ATP6V1D: variants seen among roughly 807,000 people sequenced by gnomAD.
ATP6V1D encodes the protein V-type proton ATPase subunit D.
In ATP6V1D, 20 loss-of-function variants were observed where a neutral mutation model predicts 39.4. That is an observed-to-expected ratio of 0.51 (90% confidence interval 0.36 to 0.74). The LOEUF is 0.74. Ranked by LOEUF, ATP6V1D falls within the 30% of genes least tolerant of loss-of-function variation. The probability of loss-of-function intolerance (pLI) is 0.00; values close to 1 mark genes in which losing one functional copy is unlikely to be tolerated. For synonymous variants in ATP6V1D, 100 were observed against 100.5 expected, an observed-to-expected ratio of 0.99 and a Z score of 0.03; for missense variants, 228 against 291.6, an observed-to-expected ratio of 0.78 and a Z score of 1.59.
chr14:67,341,278 G>A (rs1483579705), intron 7 of ATP6V1D, among the ~76,000 whole-genome samples: 1 of 150,756 alleles, frequency 6.6e-6, no homozygotes, highest in Non-Finnish European at 1.5e-5. Context: ...GAGCGCCTCT[G>A]CCCCACCGCC....
At chr14:67,350,226 A>G (rs1427317934) in intron 3 of ATP6V1D, among the ~76,000 whole-genome samples, 1 of 152,220 alleles carries the variant, frequency 6.6e-6, no homozygotes, top group Non-Finnish European at 1.5e-5. Context: ...ACAAAAATAC[A>G]TATGTGTAAA....
chr14:67,346,607 G>C (rs1294256161), intron 5 of ATP6V1D, among the ~76,000 whole-genome samples: 4 of 152,288 alleles, frequency 2.6e-5, no homozygotes, highest in African/African-American at 9.6e-5. Context: ...GAGCCACTGT[G>C]CCTGGCCAAG....
chr14:67,347,950 C>T (rs551865682), intron 4 of ATP6V1D, among the ~76,000 whole-genome samples: 2 of 150,920 alleles, frequency 1.3e-5, no homozygotes, highest in South Asian at 2.1e-4. Flanking sequence ...CTCACTCTGT[C>T]GCCCAGGCTG....
intron 8 of ATP6V1D, 182 bp downstream of exon 8, chr14:67,340,258 T>C (rs571901279): frequency 2.0e-5 from 11 of 557,910 alleles, no homozygotes; most frequent in Admixed American, 3.0e-5. Context: ...TATAGGTACA[T>C]GTAAAATTTG....
At chr14:67,347,370 C>A in intron 5 of ATP6V1D, 39 bp downstream of exon 5, 1 of 1,520,436 alleles carries the variant, frequency 6.6e-7, no homozygotes, top group Non-Finnish European at 9.1e-7. Context: ...AACAGGAAAT[C>A]CCAGAGACAC....
chr14:67,358,004 G>A (rs2085697080), intron 1 of ATP6V1D, among the ~76,000 whole-genome samples: 1 of 152,138 alleles, frequency 6.6e-6, no homozygotes, highest in Non-Finnish European at 1.5e-5. Context: ...CTCTAAAAAG[G>A]GAACGAGAGG....
chr14:67,347,578 C>T lies in ATP6V1D; in HGVS notation c.308-125G>A, dbSNP rs186442780. ...ATGCAATGGCGTGATCTCGCCTCAC[C>T]GCAACCTCTGCCTCCCAGGTTCAAG... On this transcript the variant is annotated intron_variant, in intron 4 of 8. Coordinates refer to ENST00000216442, the MANE Select transcript of ATP6V1D (RefSeq NM_015994.4). 2.4e-4 allele frequency: 177 copies of T among 750,666 alleles called. 4 individuals are homozygous for T. Among genetic ancestry groups the T allele is most frequent in the African/African-American group, 1.7e-3 (96 of 55,248 alleles). The allele number at this position is 750,666 out of a possible 1,614,324, so 46.5% of individuals were successfully genotyped here. A position where few individuals can be genotyped will look rare whatever the true frequency, so the allele number is the denominator to read the frequency against.
At chr14:67,346,893 T>C (rs2085622775) in intron 5 of ATP6V1D, among the ~76,000 whole-genome samples, 1 of 152,212 alleles carries the variant, frequency 6.6e-6, no homozygotes, top group African/African-American at 2.4e-5. Context: ...AGGCCTTATA[T>C]TTTTTAAATA....
chr14:67,356,061 C>T (rs1413998610), intron 1 of ATP6V1D, among the ~76,000 whole-genome samples: 2 of 151,972 alleles, frequency 1.3e-5, no homozygotes. Flanking sequence ...CACAGTATAA[C>T]CTAGACACAG....
intron 2 of ATP6V1D, among the ~76,000 whole-genome samples, chr14:67,351,695 C>T (rs10135163): frequency 0.15 from 23,263 of 151,310 alleles, 3,380 homozygotes; most frequent in East Asian, 0.42. Context: ...TCTTCTTCTT[C>T]TTTTTTGTAG....
chr14:67,348,044 C>T (rs1388806726), intron 4 of ATP6V1D, among the ~76,000 whole-genome samples: 1 of 151,732 alleles, frequency 6.6e-6, no homozygotes, highest in Non-Finnish European at 1.5e-5. Flanking sequence ...TCCTGAGTAG[C>T]TGGGACAACA....
Position 67,338,710 on chromosome 14 carries a change from CCTT to C in ATP6V1D, c.652_654del (p.Lys218del). On this transcript the variant is annotated inframe_deletion, in exon 9 of 9. Coordinates refer to ENST00000216442, the MANE Select transcript of ATP6V1D (RefSeq NM_015994.4). ...CCAGCTGCTCTCCTTTGCTCCAAGT[CCTT>C]CTCAGATTTTTCCTTTAGAATCTTT... The C allele has an allele frequency of 6.2e-7, 1 of 1,613,764 alleles. No individual in the cohort carries two copies. Among genetic ancestry groups the C allele is most frequent in the Non-Finnish European group, 8.5e-7 (1 of 1,179,698 alleles).
intron 6 of ATP6V1D, 58 bp from the exon 7 acceptor site, chr14:67,343,496 C>A: frequency 8.8e-7 from 1 of 1,134,966 alleles, no homozygotes. Context: ...ATTCCCTGAT[C>A]ACTTGACTCC....
chr14:67,356,652 C>G (rs2085686757), intron 1 of ATP6V1D, among the ~76,000 whole-genome samples: 1 of 152,170 alleles, frequency 6.6e-6, no homozygotes, highest in Non-Finnish European at 1.5e-5. Flanking sequence ...TTGAACCAGA[C>G]TTTTGATTCC....
chr14:67,351,535 G>GTCT (rs2085653529), intron 2 of ATP6V1D, among the ~76,000 whole-genome samples: 1 of 152,088 alleles, frequency 6.6e-6, no homozygotes, highest in South Asian at 2.1e-4. Flanking sequence ...TTGAGACAAG[G>GTCT]TCTTACTTTG....
At chr14:67,356,873 G>T (rs569796073) in intron 1 of ATP6V1D, among the ~76,000 whole-genome samples, 2 of 152,316 alleles carry the variant, frequency 1.3e-5, no homozygotes, top group South Asian at 4.1e-4. Context: ...ATTGTTGATA[G>T]TAAATACTAG....
intron 3 of ATP6V1D, among the ~76,000 whole-genome samples, chr14:67,350,048 T>A (rs1327033726): frequency 6.6e-6 from 1 of 152,248 alleles, no homozygotes; most frequent in Non-Finnish European, 1.5e-5. Flanking sequence ...ACCTATCTCA[T>A]AGTGTTATTT....
chr14:67,355,915 G>C (rs1399729749), intron 1 of ATP6V1D, among the ~76,000 whole-genome samples: 1 of 152,068 alleles, frequency 6.6e-6, no homozygotes, highest in Non-Finnish European at 1.5e-5. Flanking sequence ...TGAGAGGACT[G>C]ATTGAGCCCA....
At chr14:67,340,821 G>A (rs1048620837) in intron 7 of ATP6V1D, among the ~76,000 whole-genome samples, 4 of 152,180 alleles carry the variant, frequency 2.6e-5, no homozygotes, top group Admixed American at 1.3e-4. Context: ...TTGCAGGCGC[G>A]TGCCGCCACG....
Sources: gnomAD v4.1 joint callset for allele counts (sites outside exome capture counted in the v4.1 genomes callset) on GRCh38, gnomAD v4.1.1 for gene constraint, MANE v1.5 for transcripts, NCBI Gene and HGNC (gene_info 2026-07-23, HGNC 2026-07-21) for gene names.